PCDH11X: variants seen among roughly 807,000 people sequenced by gnomAD.
PCDH11X encodes the protein protocadherin 11 X-linked, also known as protocadherin-11 X-linked.
PCDH11X carries 18 observed loss-of-function variants against 53.3 expected under a neutral mutation model. The observed-to-expected ratio is 0.34, with a 90% CI of 0.23 to 0.50. The LOEUF (loss-of-function observed/expected upper bound fraction) is 0.50. Among genes scored for constraint, PCDH11X ranks in the 20% least tolerant of loss-of-function variants. The pLI, the probability that PCDH11X is intolerant of heterozygous loss-of-function variation, is 0.98. For missense variants in PCDH11X, 570 were observed against 1,032.4 expected (o/e 0.55, Z 6.14); for synonymous variants, 279 against 393.3 (o/e 0.71, Z 3.44).
intron 9 of PCDH11X, among the ~76,000 whole-genome samples, chrX:92,429,021 T>A (rs1244574698): frequency 2.7e-5 from 3 of 111,329 alleles, no homozygotes; most frequent in Non-Finnish European, 3.8e-5. Context: ...AGCTGGTTTT[T>A]TTGGACCTGC....
At chrX:92,264,072 T>C (rs1183182112) in intron 8 of PCDH11X, among the ~76,000 whole-genome samples, 1 of 112,066 alleles carries the variant, frequency 8.9e-6, no homozygotes, top group Non-Finnish European at 1.9e-5. Context: ...TAAAGATGAA[T>C]TATCTTATTC....
chrX:92,420,560 T>C (rs1411909499), intron 9 of PCDH11X: 1 of 346,164 alleles, frequency 2.9e-6, no homozygotes, highest in African/African-American at 2.6e-5. Context: ...AATGGATATT[T>C]AATGGATATA....
At chrX:92,505,096 A>G (rs751046544) in intron 10 of PCDH11X, among the ~76,000 whole-genome samples, 90 of 96,186 alleles carry the variant, frequency 9.4e-4, no homozygotes, top group African/African-American at 3.4e-3. Context: ...ATTTTCTCCC[A>G]TTCTGCATGT....
At chrX:92,015,483 C>T (rs997418294) in intron 6 of PCDH11X, among the ~76,000 whole-genome samples, 6 of 112,663 alleles carry the variant, frequency 5.3e-5, no homozygotes, top group Admixed American at 1.9e-4. Flanking sequence ...CTTTTATGCC[C>T]TGCCACTGCC....
At chrX:92,353,376 A>G (rs185590223) in intron 8 of PCDH11X, among the ~76,000 whole-genome samples, 1 of 111,993 alleles carries the variant, frequency 8.9e-6, no homozygotes, top group Admixed American at 9.5e-5. Flanking sequence ...TCGCAGGTCA[A>G]CTGTTCTTCA....
intron 7 of PCDH11X, among the ~76,000 whole-genome samples, chrX:92,232,813 T>A (rs768070447): frequency 9.0e-6 from 1 of 111,646 alleles, no homozygotes; most frequent in Admixed American, 9.5e-5. Context: ...GCCTTCTGCT[T>A]CACGCCATTC....
At chrX:92,179,916 T>G (rs773046969) in intron 6 of PCDH11X, among the ~76,000 whole-genome samples, 9 of 111,991 alleles carry the variant, frequency 8.0e-5, no homozygotes, top group African/African-American at 2.9e-4. Context: ...ACCTGCAACA[T>G]GTGGATCACT....
intron 8 of PCDH11X, among the ~76,000 whole-genome samples, chrX:92,288,577 G>T (rs1431656571): frequency 9.1e-6 from 1 of 110,011 alleles, no homozygotes; most frequent in Non-Finnish European, 1.9e-5. Context: ...ATAAATTCCA[G>T]ACTTAAAATA....
In PCDH11X at chrX:91,998,808, T is replaced by A. The variant is rs544505311; in HGVS notation, c.3033+119535T>A. On this transcript the variant is annotated intron_variant, in intron 6 of 10. Transcript: ENST00000682573. ...GCGTTATATTTTCCAATATTATCAC[T>A]ATGCCGAATACAGTAGTAAGCATTC... 1.4e-3 allele frequency among the ~76,000 whole-genome samples: 156 copies of A among 111,909 alleles called. 3 individuals carry two copies. In the South Asian group the frequency reaches 0.056, roughly 40 times the overall value.
chrX:92,123,722 T>A (rs1041804551), intron 6 of PCDH11X, among the ~76,000 whole-genome samples: 8 of 106,253 alleles, frequency 7.5e-5, no homozygotes, highest in Non-Finnish European at 9.6e-5. Flanking sequence ...CACACTCTTG[T>A]ATCAGTATCC....
At chrX:92,368,838 A>C (rs931777808) in intron 8 of PCDH11X, among the ~76,000 whole-genome samples, 4 of 109,794 alleles carry the variant, frequency 3.6e-5, no homozygotes, top group Admixed American at 2.9e-4. Context: ...GCTGTAGAAC[A>C]GCAAAGATTG....
intron 6 of PCDH11X, among the ~76,000 whole-genome samples, chrX:91,929,403 C>G (rs1461429741): frequency 9.1e-6 from 1 of 110,202 alleles, no homozygotes; most frequent in Non-Finnish European, 1.9e-5. Context: ...CACAAGAGCC[C>G]TATGAAATAC....
At position 91,945,048 on chromosome X, in the gene PCDH11X, C is replaced by CATAT. The variant is rs754168068; in HGVS notation, c.3033+65792_3033+65795dup. Among the ~76,000 whole-genome samples the CATAT allele has an allele frequency of 4.9e-3, 310 of 63,206 alleles. 31 individuals are homozygous for CATAT. Among genetic ancestry groups the CATAT allele is most frequent in the African/African-American group, 8.4e-3 (167 of 19,846 alleles). 54.9% of individuals were successfully genotyped at this position (63,206 alleles called of 115,157 possible). A position where few individuals can be genotyped will look rare whatever the true frequency, so the allele number is the denominator to read the frequency against. On this transcript the variant is annotated intron_variant, in intron 6 of 10. Transcript: ENST00000682573. Reference sequence around the variant, plus strand: ...TCTAAGTCTTCGTAGACATCATATACATATATATATATATATATATTCTTA... The same window carrying CATAT: ...TCTAAGTCTTCGTAGACATCATATACATATATATATATATATATATATATTCTTA...
At chrX:92,119,247 A>G (rs1170679927) in intron 6 of PCDH11X, among the ~76,000 whole-genome samples, 2 of 109,519 alleles carry the variant, frequency 1.8e-5, no homozygotes, top group Non-Finnish European at 3.8e-5. Context: ...CTGGGACTAC[A>G]GGGATGCACC....
At chrX:92,301,857 C>T (rs1239565141) in intron 8 of PCDH11X, among the ~76,000 whole-genome samples, 2 of 109,965 alleles carry the variant, frequency 1.8e-5, no homozygotes, top group Non-Finnish European at 3.8e-5. Context: ...TGTTAATTAT[C>T]CTTTAAACGT....
rs1202141800 is a variant in PCDH11X at position 92,142,361 on chromosome X, T to TGC, written c.3034-59005_3034-59004dup. ...AGTAGAGACAGTTGGTCCATGCATG[T>TGC]GCGCGCGCGCACACACACACACACA... On this transcript the variant is annotated intron_variant, in intron 6 of 10. Coordinates refer to ENST00000682573, the MANE Select transcript of PCDH11X (RefSeq NM_032968.5). 5.2e-3 allele frequency among the ~76,000 whole-genome samples: 394 copies of TGC among 75,483 alleles called. 2 individuals carry two copies. Among genetic ancestry groups the TGC allele is most frequent in the South Asian group, 0.025 (29 of 1,160 alleles). The allele number at this position is 75,483 out of a possible 115,157, so 65.5% of individuals were successfully genotyped here.
Position 92,619,362 on chromosome X carries a change from C to T in PCDH11X, c.*422C>T, listed in dbSNP as rs1928319549. On this transcript the variant is annotated 3_prime_UTR_variant, in exon 11 of 11. Coordinates refer to ENST00000682573, the MANE Select transcript of PCDH11X (RefSeq NM_032968.5). Reference sequence around the variant, plus strand: ...CCTTTAGTTTACCTAAACTTTTGTTCAGATAACGTTAAAAGGTATACGTAC... The same window carrying T: ...CCTTTAGTTTACCTAAACTTTTGTTTAGATAACGTTAAAAGGTATACGTAC... 5.2e-6 allele frequency: 1 copy of T among 193,854 alleles called. No homozygotes were observed. The highest frequency in any genetic ancestry group is 7.4e-5 in the Admixed American group (1 of 13,498). 16.0% of individuals were successfully genotyped at this position (193,854 alleles called of 1,213,427 possible).
chrX:91,794,851 G>A (rs924993719), intron 1 of PCDH11X, among the ~76,000 whole-genome samples: 5 of 110,070 alleles, frequency 4.5e-5, no homozygotes, highest in Non-Finnish European at 9.5e-5. Flanking sequence ...GGACCTGGTT[G>A]GGGATGATTG....
intron 9 of PCDH11X, among the ~76,000 whole-genome samples, chrX:92,454,978 T>C (rs2072882050): frequency 9.0e-6 from 1 of 110,651 alleles, no homozygotes; most frequent in Non-Finnish European, 1.9e-5. Context: ...GTTAATGCAT[T>C]ATTTGCTTCT....
Sources: allele counts gnomAD v4.1 joint callset (sites outside exome capture counted in the v4.1 genomes callset), GRCh38; gene constraint gnomAD v4.1.1; transcripts MANE v1.5; gene names NCBI Gene and HGNC (gene_info 2026-07-23, HGNC 2026-07-21).